TPM4: variants seen among roughly 807,000 people sequenced by gnomAD.
TPM4 encodes tropomyosin alpha-4 chain.
A neutral mutation model predicts 35.8 loss-of-function variants in TPM4; 17 were observed. That is an observed-to-expected ratio of 0.47 (90% CI 0.32 to 0.71). The LOEUF is 0.71. Among genes scored for constraint, TPM4 ranks in the 30% least tolerant of loss-of-function variants. TPM4 has a pLI of 0.03. For synonymous variants in TPM4, 120 were observed against 122.9 expected, an observed-to-expected ratio of 0.98 and a Z score of 0.15; for missense variants, 240 against 320.9, an observed-to-expected ratio of 0.75 and a Z score of 1.93.
chr19:16,073,963 C>CAAAACAAAAA (rs1568298140), upstream of TPM4, among the ~76,000 whole-genome samples: 1 of 71,886 alleles, frequency 1.4e-5, no homozygotes, highest in Non-Finnish European at 2.5e-5. Flanking sequence ...AAAAAAAACG[C>CAAAACAAAAA]AAAAAAAAAA....
chr19:16,102,941 G>A lies in TPM4; in HGVS notation c.*1595G>A. 4.8e-6 allele frequency: 1 copy of A among 209,512 alleles called. No individual in the cohort carries two copies. Among genetic ancestry groups the A allele is most frequent in the Non-Finnish European group, 9.6e-6 (1 of 104,060 alleles). 13.0% of individuals were successfully genotyped at this position (209,512 alleles called of 1,614,324 possible). On this transcript the variant is annotated 3_prime_UTR_variant, in exon 8 of 8. Coordinates refer to ENST00000643579, the MANE Select transcript of TPM4 (RefSeq NM_003290.3). ...ATCCACACTTTAGATTCTTGCAACTGTATCATATGTAATAGTATCACTTTT... is the reference window on the plus strand; with the variant it reads ...ATCCACACTTTAGATTCTTGCAACTATATCATATGTAATAGTATCACTTTT...
chr19:16,100,229 G>A (rs1203467536), intron 7 of TPM4: 1 of 152,136 alleles, frequency 6.6e-6, no homozygotes, highest in Non-Finnish European at 1.5e-5. Context: ...TGATACAACT[G>A]GAGCTTAAGT....
chr19:16,073,975 AT>A (rs1252374619), upstream of TPM4, among the ~76,000 whole-genome samples: 48 of 146,208 alleles, frequency 3.3e-4, no homozygotes, highest in African/African-American at 1.1e-3. Context: ...AAAAAAAAAA[AT>A]AATGCACACA....
chr19:16,087,911 C>G, intron 3 of TPM4, 116 bp from the exon 4 acceptor site: 1 of 1,086,036 alleles, frequency 9.2e-7, no homozygotes, highest in Non-Finnish European at 1.4e-6. Flanking sequence ...CAGAAAAACC[C>G]ATGTTGCAGC....
chr19:16,072,752 C>T (rs968081672), upstream of TPM4, among the ~76,000 whole-genome samples: 1 of 151,104 alleles, frequency 6.6e-6, no homozygotes, highest in Admixed American at 6.6e-5. Flanking sequence ...ACAAAAAATA[C>T]AAAAATTAAC....
upstream of TPM4, chr19:16,076,013 C>CA (rs397965381): frequency 1.6e-5 from 25 of 1,590,104 alleles, no homozygotes; most frequent in Non-Finnish European, 2.1e-5. Context: ...ACCCCCCCCC[C>CA]AGGCTGACCC....
At chr19:16,068,264 G>T (rs1201449762) in intron 2 of TPM4, among the ~76,000 whole-genome samples, 1 of 151,728 alleles carries the variant, frequency 6.6e-6, no homozygotes, top group African/African-American at 2.4e-5. Flanking sequence ...TGCAACCTCC[G>T]CCTCCTGCGT....
rs1204359432 is a variant in TPM4 at position 16,070,015 on chromosome 19, C to T, written c.114+2277C>T. On this transcript the variant is annotated intron_variant, in intron 2 of 2. Transcript: ENST00000589897. The surrounding 1 kb of genome is among the most constrained non-coding windows in gnomAD (Gnocchi z 7.4). ...GTGTGTGTGTGTGTGTGGTGGGGGC[C>T]CAGGGCTGTGACCTGCTGCAGGGGT... Among the ~76,000 whole-genome samples the T allele has an allele frequency of 6.6e-6, 1 of 151,732 alleles. No homozygotes were observed. Among genetic ancestry groups the T allele is most frequent in the East Asian group, 1.9e-4 (1 of 5,182 alleles).
At chr19:16,098,140 A>T (rs567892739) in intron 7 of TPM4, among the ~76,000 whole-genome samples, 1 of 152,222 alleles carries the variant, frequency 6.6e-6, no homozygotes, top group South Asian at 2.1e-4. Flanking sequence ...ACATAAGTGG[A>T]ATTTCAGAGA....
chr19:16,101,187 A>C, intron 7 of TPM4, 77 bp from the exon 8 acceptor site: 1 of 1,288,246 alleles, frequency 7.8e-7, no homozygotes, highest in Non-Finnish European at 1.1e-6. Context: ...AAGAAAAAAA[A>C]ACAAATCTTT....
chr19:16,076,424 C>A, upstream of TPM4: 2 of 1,348,926 alleles, frequency 1.5e-6, no homozygotes, highest in Non-Finnish European at 1.9e-6. Flanking sequence ...CGACGGCAGC[C>A]GGCCCGGGGG....
In TPM4 at chr19:16,094,594, AT is replaced by A. The variant is rs373147113; in HGVS notation, c.664+851del. 3.4e-3 allele frequency among the ~76,000 whole-genome samples: 499 copies of A among 147,792 alleles called. 1 individual carries two copies. Among genetic ancestry groups the A allele is most frequent in the South Asian group, 0.02 (93 of 4,696 alleles). On this transcript the variant is annotated intron_variant, in intron 7 of 7. Transcript: ENST00000643579. ...TGCTCATTTCTGATAGATGCCTTGC[AT>A]TTTTTTTTTACATGCCTTGCATTTT... is the stretch of plus-strand genomic sequence containing the variant.
At position 16,088,649 on chromosome 19, in the gene TPM4, G is replaced by A. The variant is rs950083736; in HGVS notation, c.456-396G>A. 1.3e-5 allele frequency: 13 copies of A among 1,032,418 alleles called. No homozygotes were observed. In the East Asian group the frequency reaches 4.3e-4, roughly 34 times the overall value. 64.0% of individuals were successfully genotyped at this position (1,032,418 alleles called of 1,614,324 possible). A position where few individuals can be genotyped will look rare whatever the true frequency, so the allele number is the denominator to read the frequency against. The stretch of plus-strand genomic sequence containing the variant: ...AGATCTGGTTTCACAAATCCACTCC[G>A]GGCTTCCTTCCCGGAGTGTCCCCTG... On this transcript the variant is annotated intron_variant, in intron 4 of 7. Coordinates refer to ENST00000643579, the MANE Select transcript of TPM4 (RefSeq NM_003290.3).
chr19:16,087,875 C>T (rs377072646), intron 3 of TPM4, 152 bp from the exon 4 acceptor site: 52 of 752,880 alleles, frequency 6.9e-5, no homozygotes, highest in East Asian at 4.0e-4. Flanking sequence ...AGGGAGACTC[C>T]GTCCCCCTGC....
chr19:16,078,054 TGAG>T lies in TPM4; in HGVS notation c.132+1358_132+1360del, dbSNP rs543471927. 4.6e-4 allele frequency: 185 copies of T among 397,946 alleles called. 1 individual carries two copies. Among genetic ancestry groups the T allele is most frequent in the African/African-American group, 3.0e-3 (147 of 48,674 alleles). 24.7% of individuals were successfully genotyped at this position (397,946 alleles called of 1,614,324 possible). ...TCCCAAAGTTCTGGGATTACAAGCGTGAGCCACGGCGCCCAGCCTCAATTGTGT... is the reference window on the plus strand; with the variant it reads ...TCCCAAAGTTCTGGGATTACAAGCGTCCACGGCGCCCAGCCTCAATTGTGT... On this transcript the variant is annotated intron_variant, in intron 1 of 7. Transcript: ENST00000643579.
chr19:16,094,530 C>T (rs1211008351), intron 7 of TPM4, among the ~76,000 whole-genome samples: 2 of 150,448 alleles, frequency 1.3e-5, no homozygotes, highest in Admixed American at 6.6e-5. Flanking sequence ...AGCCAGACTC[C>T]GTCTCAAAAA....
In TPM4 at chr19:16,076,607, C is replaced by T; in HGVS notation, c.42C>T (p.Ile14=). Residue 14 remains isoleucine, a synonymous_variant, in exon 1 of 8, where the codon ATC becomes ATT. Coordinates refer to ENST00000643579, the MANE Select transcript of TPM4 (RefSeq NM_003290.3). ...LNSLEAVKRK[I]QALQQQADEA... ...CCCTGGAGGCGGTGAAACGCAAGAT[C>T]CAGGCCCTGCAGCAGCAGGCGGACG... The T allele has an allele frequency of 6.8e-7, 1 of 1,468,690 alleles. No individual in the cohort carries two copies. The highest frequency in any genetic ancestry group is 1.5e-5 in the African/African-American group (1 of 68,190). 91.0% of individuals were successfully genotyped at this position (1,468,690 alleles called of 1,614,324 possible).
chr19:16,070,720 G>C lies in TPM4; in HGVS notation c.114+2982G>C, dbSNP rs958444200. ...CTCAATAAATGTAGGTTGATTTCCT[G>C]CCCCGCCCTACTTCCCCTTTGGGCC... On this transcript the variant is annotated intron_variant, in intron 2 of 2. Transcript: ENST00000589897. The surrounding 1 kb of genome is among the most constrained non-coding windows in gnomAD (Gnocchi z 7.4). Among the ~76,000 whole-genome samples the C allele has an allele frequency of 6.6e-6, 1 of 151,928 alleles. No individual in the cohort carries two copies.
intron 4 of TPM4, chr19:16,088,471 T>G: frequency 9.3e-7 from 1 of 1,072,814 alleles, no homozygotes; most frequent in Non-Finnish European, 1.1e-6. Flanking sequence ...TAAATGCTTT[T>G]GCTCCTGTCA....
Sources: gnomAD v4.1 joint callset for allele counts (sites outside exome capture counted in the v4.1 genomes callset) on GRCh38, gnomAD v4.1.1 for gene constraint, Gnocchi (gnomAD v3.1) non-coding constraint, MANE v1.5 for transcripts, NCBI Gene and HGNC (gene_info 2026-07-23, HGNC 2026-07-21) for gene names.